The following BBX variants were observed in gnomAD, a reference collection of about 807,000 sequenced individuals.
BBX encodes the protein BBX high mobility group box domain containing.
In BBX, 30 loss-of-function variants were observed where a neutral mutation model predicts 100.2. The ratio of observed to expected loss-of-function variants is 0.30; its 90% confidence interval spans 0.22 to 0.41. BBX has a LOEUF of 0.41. BBX is among the 10% of genes least tolerant of loss of function. The pLI, the probability that BBX is intolerant of heterozygous loss-of-function variation, is 1.00. For synonymous variants in BBX, 376 were observed against 388.1 expected (o/e 0.97, Z 0.37); for missense variants, 1,023 against 1,129.8 (o/e 0.91, Z 1.35).
intron 2 of BBX, among the ~76,000 whole-genome samples, chr3:107,634,778 G>A (rs975316708): frequency 5.9e-5 from 9 of 152,182 alleles, no homozygotes; most frequent in African/African-American, 1.2e-4. Flanking sequence ...TATAGCTAAC[G>A]TTTGGAAATA....
intron 10 of BBX, among the ~76,000 whole-genome samples, chr3:107,769,897 C>T (rs1043407112): frequency 3.3e-5 from 5 of 152,008 alleles, no homozygotes; most frequent in Admixed American, 2.6e-4. Flanking sequence ...ATTGGGTTTT[C>T]GGTTAATGAG....
At chr3:107,769,500 A>G (rs1322782007) in intron 10 of BBX, among the ~76,000 whole-genome samples, 5 of 152,086 alleles carry the variant, frequency 3.3e-5, no homozygotes, top group Admixed American at 6.6e-5. Context: ...AGCCCCTTTC[A>G]ATAAAACCCA....
intron 5 of BBX, among the ~76,000 whole-genome samples, chr3:107,723,734 A>G (rs1176129768): frequency 8.5e-5 from 13 of 152,194 alleles, no homozygotes; most frequent in Non-Finnish European, 2.9e-5. Context: ...TACAAAGGAC[A>G]TGAACTCATC....
rs773673553 is a variant in BBX, at chr3:107,798,651, A to G, written c.2482A>G (p.Arg828Gly). 6.2e-7 allele frequency: 1 copy of G among 1,614,156 alleles called. No individual in the cohort carries two copies. Among genetic ancestry groups the G allele is most frequent in the Non-Finnish European group, 8.5e-7 (1 of 1,180,018 alleles). The change falls in exon 16 of 18, where the codon AGG becomes GGG. Residue 828 changes from arginine (R) to glycine (G), a missense_variant. Around this residue, in one of 9 missense-constraint regions of BBX, gnomAD observed 12 missense variants for 30.7 expected, o/e 0.39. Transcript: ENST00000325805. Reference protein sequence around the residue: ...PLVGSQKRKARKTKITHLVRT... With the variant: ...PLVGSQKRKAGKTKITHLVRT... ...GGTGGGCAGCCAAAAGAGAAAAGCAAGGAAAACCAAGATTACACACCTTGT... is the reference window on the plus strand; with the variant it reads ...GGTGGGCAGCCAAAAGAGAAAAGCAGGGAAAACCAAGATTACACACCTTGT...
intron 2 of BBX, among the ~76,000 whole-genome samples, chr3:107,531,430 A>C (rs900891065): frequency 5.9e-5 from 9 of 152,178 alleles, no homozygotes; most frequent in Admixed American, 3.9e-4. Context: ...AATGTTTACC[A>C]TGCAATAATA....
intron 4 of BBX, among the ~76,000 whole-genome samples, chr3:107,712,725 A>G (rs1329089061): frequency 6.6e-6 from 1 of 152,168 alleles, no homozygotes; most frequent in Non-Finnish European, 1.5e-5. Flanking sequence ...CAAAGCAGCC[A>G]GAGGAATCCC....
chr3:107,605,537 T>C (rs1211340415), intron 2 of BBX, among the ~76,000 whole-genome samples: 1 of 152,176 alleles, frequency 6.6e-6, no homozygotes, highest in African/African-American at 2.4e-5. Flanking sequence ...AGAATAGTTT[T>C]CTTAGGAATT....
At chr3:107,682,930 A>G (rs2059643684) in intron 3 of BBX, among the ~76,000 whole-genome samples, 1 of 152,170 alleles carries the variant, frequency 6.6e-6, no homozygotes, top group Non-Finnish European at 1.5e-5. Context: ...CCTCCATTAA[A>G]TCATGTTTAA....
intron 2 of BBX, among the ~76,000 whole-genome samples, chr3:107,600,337 T>G (rs2053976927): frequency 6.6e-6 from 1 of 152,226 alleles, no homozygotes; most frequent in Non-Finnish European, 1.5e-5. Context: ...TAGAAATGTT[T>G]GAAGTAGGAA....
chr3:107,711,092 T>G (rs2061690961), intron 4 of BBX, among the ~76,000 whole-genome samples: 1 of 152,234 alleles, frequency 6.6e-6, no homozygotes, highest in Non-Finnish European at 1.5e-5. Context: ...CTCCTAGTCC[T>G]TTCTCTGGCA....
chr3:107,697,571 C>A (rs540286615), intron 3 of BBX, among the ~76,000 whole-genome samples: 1 of 151,858 alleles, frequency 6.6e-6, no homozygotes, highest in African/African-American at 2.4e-5. Flanking sequence ...TCTCCAGCCG[C>A]GTGCTGGGAG....
chr3:107,540,162 A>G lies in BBX; in HGVS notation c.-84+13764A>G, dbSNP rs2048766331. Among the ~76,000 whole-genome samples the G allele has an allele frequency of 1.3e-5, 2 of 152,234 alleles. 1 individual carries two copies. Among genetic ancestry groups the G allele is most frequent in the South Asian group, 4.1e-4 (2 of 4,836 alleles). On this transcript the variant is annotated intron_variant, in intron 2 of 17. Transcript: ENST00000325805. ...GCACGAGGGATCTGGCAGAGGCCAT[A>G]GATTTATAGACATGAAAAGTTAAGT...
chr3:107,749,360 A>G (rs924585678), intron 9 of BBX, among the ~76,000 whole-genome samples: 2 of 152,194 alleles, frequency 1.3e-5, no homozygotes, highest in African/African-American at 4.8e-5. Flanking sequence ...GACTAAATTT[A>G]TTTTTAATGT....
chr3:107,783,553 C>G (rs1467113528), intron 13 of BBX, among the ~76,000 whole-genome samples: 5 of 152,000 alleles, frequency 3.3e-5, no homozygotes, highest in African/African-American at 9.7e-5. Flanking sequence ...ATCATTCTTC[C>G]TATGAGCCAA....
chr3:107,659,739 T>A, intron 3 of BBX: 1 of 1,285,366 alleles, frequency 7.8e-7, no homozygotes, highest in Non-Finnish European at 1.0e-6. Context: ...CCTTTTACAT[T>A]CATGTGCATG....
chr3:107,697,798 C>A (rs891549825), intron 3 of BBX, among the ~76,000 whole-genome samples: 2 of 151,976 alleles, frequency 1.3e-5, no homozygotes, highest in Middle Eastern at 3.4e-3. Flanking sequence ...CCCCCAGCCT[C>A]GCTGCCACCT....
At chr3:107,772,591 C>G in intron 10 of BBX, 37 bp from the exon 11 acceptor site, 4 of 1,525,038 alleles carry the variant, frequency 2.6e-6, no homozygotes, top group Non-Finnish European at 3.5e-6. Context: ...AATAAGGATA[C>G]TTTCGGGTGC....
rs74321252 is a variant in BBX, at chr3:107,604,257, G to A, written c.-83-41579G>A. Among the ~76,000 whole-genome samples the A allele has an allele frequency of 6.8e-3, 1,030 of 152,172 alleles. 7 individuals carry two copies. The highest frequency in any genetic ancestry group is 8.6e-3 in the Admixed American group (131 of 15,288). ...GCTATAGCAGCCTGTTCCGTTTTGGGTACTGTTTGTATCTGCTTTGGTATG... is the reference window on the plus strand; with the variant it reads ...GCTATAGCAGCCTGTTCCGTTTTGGATACTGTTTGTATCTGCTTTGGTATG... On this transcript the variant is annotated intron_variant, in intron 2 of 17. Coordinates refer to ENST00000325805, the MANE Select transcript of BBX (RefSeq NM_001142568.3).
chr3:107,799,847 G>T (rs1355017649), intron 16 of BBX, among the ~76,000 whole-genome samples: 4 of 152,154 alleles, frequency 2.6e-5, no homozygotes, highest in Non-Finnish European at 5.9e-5. Flanking sequence ...AAGGTAAGGG[G>T]TGTGGCCGAA....
Sources: allele counts gnomAD v4.1 joint callset (sites outside exome capture counted in the v4.1 genomes callset), GRCh38; gene constraint gnomAD v4.1.1; regional missense constraint gnomAD v4.1.1; transcripts MANE v1.5; gene names NCBI Gene and HGNC (gene_info 2026-07-23, HGNC 2026-07-21).